The following CACNA1H variants were observed in gnomAD, a reference collection of about 807,000 sequenced individuals.
CACNA1H encodes the protein calcium voltage-gated channel subunit alpha1 H, also known as voltage-dependent T-type calcium channel subunit alpha-1H.
Under a neutral mutation model 192.5 loss-of-function variants are expected in CACNA1H, and 149 were observed. The observed-to-expected ratio is 0.77, with a 90% CI of 0.68 to 0.89. The LOEUF (loss-of-function observed/expected upper bound fraction) is 0.89. Among genes scored for constraint, CACNA1H ranks in the 40% least tolerant of loss-of-function variants. The probability of loss-of-function intolerance (pLI) is 0.00; values close to 1 mark genes in which losing one functional copy is unlikely to be tolerated. For missense variants in CACNA1H, 4,257 were observed against 3,423.5 expected (o/e 1.24, Z -6.08); for synonymous variants, 2,202 against 1,475.2 (o/e 1.49, Z -11.29).
intron 5 of CACNA1H, among the ~76,000 whole-genome samples, chr16:1,196,520 A>G (rs1241454633): frequency 1.3e-5 from 2 of 152,272 alleles, no homozygotes; most frequent in African/African-American, 4.8e-5. Flanking sequence ...CCCACCCGCC[A>G]CTGCTTCTGG....
intron 2 of CACNA1H, among the ~76,000 whole-genome samples, chr16:1,183,702 TTC>T (rs1374519972): frequency 6.6e-6 from 1 of 152,222 alleles, no homozygotes; most frequent in Non-Finnish European, 1.5e-5. Context: ...TTGATGTACT[TTC>T]TGTCATCTAC....
intron 34 of CACNA1H, among the ~76,000 whole-genome samples, chr16:1,219,756 CAG>C (rs1212828939): frequency 2.7e-5 from 4 of 150,632 alleles, no homozygotes; most frequent in Non-Finnish European, 5.9e-5. Flanking sequence ...TCTCTGCCCA[CAG>C]AGCAGCGGGT....
intron 26 of CACNA1H, among the ~76,000 whole-genome samples, 185 bp downstream of exon 26, chr16:1,212,713 C>T (rs542188683): frequency 2.0e-5 from 3 of 152,264 alleles, no homozygotes; most frequent in African/African-American, 4.8e-5. Flanking sequence ...TGCGTGCACG[C>T]GTGCGGCTCT....
intron 2 of CACNA1H, among the ~76,000 whole-genome samples, chr16:1,186,184 G>T (rs1458706292): frequency 6.7e-6 from 1 of 149,144 alleles, no homozygotes; most frequent in Non-Finnish European, 1.5e-5. Flanking sequence ...GAGGCGGGGT[G>T]TGTGCAGGGC....
At chr16:1,218,821 C>G in intron 33 of CACNA1H, 149 bp from the exon 34 acceptor site, 1 of 977,224 alleles carries the variant, frequency 1.0e-6, no homozygotes, top group Non-Finnish European at 1.4e-6. Context: ...ATTGAGGAGG[C>G]TGGGTGTGGG....
Position 1,195,448 on chromosome 16 carries a change from T to C in CACNA1H, c.428T>C (p.Ile143Thr), listed in dbSNP as rs1038576190. The C allele has an allele frequency of 1.9e-6, 3 of 1,558,332 alleles. No individual in the cohort carries two copies. The highest frequency in any genetic ancestry group is 2.6e-6 in the Non-Finnish European group (3 of 1,150,764). ...CTCCCGCAGGCCTTTGACGCCTTCATTTTCGCCTTTTTTGCGGTGGAGATG... is the reference window on the plus strand; with the variant it reads ...CTCCCGCAGGCCTTTGACGCCTTCACTTTCGCCTTTTTTGCGGTGGAGATG... ...CNILEAFDAF[I>T]FAFFAVEMVI... The change falls in exon 4 of 35, where the codon ATT (isoleucine) becomes ACT (threonine). Residue 143 changes from isoleucine to threonine, a missense_variant. Transcript: ENST00000348261.
intron 2 of CACNA1H, among the ~76,000 whole-genome samples, chr16:1,169,108 G>C (rs1262537960): frequency 6.9e-6 from 1 of 144,324 alleles, no homozygotes; most frequent in East Asian, 2.2e-4. Context: ...CCAGATACCA[G>C]AACGCTGGGT....
intron 2 of CACNA1H, among the ~76,000 whole-genome samples, chr16:1,174,127 G>T (rs999318759): frequency 6.6e-6 from 1 of 152,222 alleles, no homozygotes; most frequent in African/African-American, 2.4e-5. Flanking sequence ...CCACCACAGA[G>T]CCGTGGCCCC....
rs977839051 is a variant in CACNA1H at position 1,215,658 on chromosome 16, G to A, written c.5244+65G>A. The stretch of plus-strand genomic sequence containing the variant: ...AAGACGGGGTTGCAGGGAGCGCCTC[G>A]CCGTCCCCCTCTCCCCCTCACTCGT... On this transcript the variant is annotated intron_variant, in intron 30 of 34. Coordinates refer to ENST00000348261, the MANE Select transcript of CACNA1H (RefSeq NM_021098.3). 8.3e-6 allele frequency: 11 copies of A among 1,325,748 alleles called. No homozygotes were observed. The Admixed American group carries it at 9.4e-5, about 11-fold the overall frequency. 82.1% of individuals were successfully genotyped at this position (1,325,748 alleles called of 1,614,324 possible). A position where few individuals can be genotyped will look rare whatever the true frequency, so the allele number is the denominator to read the frequency against.
chr16:1,201,168 A>G (rs981355279), intron 8 of CACNA1H, among the ~76,000 whole-genome samples: 17 of 152,252 alleles, frequency 1.1e-4, no homozygotes, highest in African/African-American at 3.4e-4. Flanking sequence ...TGGGTTAATC[A>G]GGCCGCAGAC....
intron 2 of CACNA1H, among the ~76,000 whole-genome samples, chr16:1,162,211 G>A (rs988776941): frequency 6.6e-6 from 1 of 152,128 alleles, no homozygotes; most frequent in Non-Finnish European, 1.5e-5. Flanking sequence ...GGCCTCCAGA[G>A]CCCCAAGAGG....
chr16:1,217,353 TG>T (rs1970112266), intron 31 of CACNA1H, among the ~76,000 whole-genome samples: 1 of 152,192 alleles, frequency 6.6e-6, no homozygotes, highest in African/African-American at 2.4e-5. Context: ...CAACGTCACA[TG>T]GTCCCAGGAG....
intron 6 of CACNA1H, among the ~76,000 whole-genome samples, 162 bp from the exon 7 acceptor site, chr16:1,200,094 C>A (rs371306236): frequency 2.6e-5 from 4 of 152,212 alleles, no homozygotes; most frequent in African/African-American, 2.4e-5. Flanking sequence ...CCTATCATGC[C>A]CCCTGACCCT....
intron 20 of CACNA1H, 34 bp downstream of exon 20, chr16:1,210,685 A>G (rs1339654705): frequency 1.9e-6 from 3 of 1,592,822 alleles, no homozygotes; most frequent in Middle Eastern, 1.6e-4. Flanking sequence ...CCTTGTTCCC[A>G]GGTCCCCGTT....
intron 2 of CACNA1H, among the ~76,000 whole-genome samples, chr16:1,161,572 GC>G (rs1963202657): frequency 6.6e-6 from 1 of 152,210 alleles, no homozygotes; most frequent in Non-Finnish European, 1.5e-5. Context: ...CAGGAGGGGG[GC>G]TAGCGACCCC....
In CACNA1H at chr16:1,200,740, GACATCATGTACT is replaced by G; in HGVS notation, c.1147_1158del (p.Ile383_Tyr386del). On this transcript the variant is annotated inframe_deletion, in exon 8 of 35. Coordinates refer to ENST00000348261, the MANE Select transcript of CACNA1H (RefSeq NM_021098.3). ...GGTGATCACGCTGGAAGGCTGGGTG[GACATCATGTACT>G]ACGTCATGGACGCCCACTCATTCTA... 3 of 1,561,104 alleles carry G rather than the reference GACATCATGTACT, an allele frequency of 1.9e-6. No individual in the cohort carries two copies. The highest frequency in any genetic ancestry group is 2.6e-6 in the Non-Finnish European group (3 of 1,152,692).
At chr16:1,194,676 G>T (rs182557449) in intron 2 of CACNA1H, among the ~76,000 whole-genome samples, 1 of 152,176 alleles carries the variant, frequency 6.6e-6, no homozygotes, top group Non-Finnish European at 1.5e-5. Context: ...CTACCGATGC[G>T]GCCAGCCCAC....
At chr16:1,205,313 T>C (rs768737184) in intron 11 of CACNA1H, 48 bp downstream of exon 11, 3 of 1,551,880 alleles carry the variant, frequency 1.9e-6, no homozygotes, top group Non-Finnish European at 2.6e-6. Context: ...GAAGCTCCAC[T>C]CTCTGGCAGA....
At chr16:1,203,905 C>G in intron 9 of CACNA1H, 105 bp from the exon 10 acceptor site, 1 of 794,240 alleles carries the variant, frequency 1.3e-6, no homozygotes, top group South Asian at 1.9e-5. Context: ...ATGGATCTTT[C>G]TGGGGGGGAC....
Sources: gnomAD v4.1 joint callset for allele counts (sites outside exome capture counted in the v4.1 genomes callset) on GRCh38, gnomAD v4.1.1 for gene constraint, MANE v1.5 for transcripts, NCBI Gene and HGNC (gene_info 2026-07-23, HGNC 2026-07-21) for gene names.